RPL12: variants seen among roughly 807,000 people sequenced by gnomAD.
RPL12 encodes large ribosomal subunit protein uL11.
A neutral mutation model predicts 24.5 loss-of-function variants in RPL12; 10 were observed. The ratio of observed to expected loss-of-function variants is 0.41; its 90% CI spans 0.25 to 0.69. The LOEUF (loss-of-function observed/expected upper bound fraction) is 0.69. Among genes scored for constraint, RPL12 ranks in the 30% least tolerant of loss-of-function variants. The pLI is 0.33. For synonymous variants in RPL12, 74 were observed against 76.1 expected, an observed-to-expected ratio of 0.97 and a Z score of 0.14; for missense variants, 137 against 205.3, an observed-to-expected ratio of 0.67 and a Z score of 2.03.
chr9:127,449,533 A>C, intron 3 of RPL12, 77 bp downstream of exon 3: 2 of 1,428,618 alleles, frequency 1.4e-6, no homozygotes, highest in South Asian at 2.3e-5. Context: ...TGGTGGCAGA[A>C]ATACTCTTCA....
At position 127,451,356 on chromosome 9, in the gene RPL12, A is replaced by G. The variant is rs1184037057; in HGVS notation, c.-39T>C. On this transcript the variant is annotated 5_prime_UTR_variant, in exon 1 of 7. Coordinates refer to ENST00000361436, the MANE Select transcript of RPL12 (RefSeq NM_000976.4). ...GGTGTCGGATGAACCCGGATTCGGG[A>G]CGACCGAAGGAAGTTGCACCTTGGC... 6.2e-7 allele frequency: 1 copy of G among 1,610,776 alleles called. No homozygotes were observed. Among genetic ancestry groups the G allele is most frequent in the Non-Finnish European group, 8.5e-7 (1 of 1,179,668 alleles).
intron 4 of RPL12, 96 bp downstream of exon 4, chr9:127,449,185 G>A: frequency 2.0e-6 from 2 of 1,004,100 alleles, no homozygotes; most frequent in East Asian, 2.5e-5. Flanking sequence ...CAATACCCAT[G>A]TCAACCCCAG....
At chr9:127,448,162 C>T (rs1268960938) in intron 5 of RPL12, among the ~76,000 whole-genome samples, 173 bp from the exon 6 acceptor site, 3 of 152,208 alleles carry the variant, frequency 2.0e-5, no homozygotes, top group Non-Finnish European at 4.4e-5. Flanking sequence ...TGCAAAGCTT[C>T]CATGGGTCCT....
chr9:127,451,213 GC>G, intron 1 of RPL12, 67 bp downstream of exon 1: 1 of 1,590,896 alleles, frequency 6.3e-7, no homozygotes, highest in Non-Finnish European at 8.6e-7. Flanking sequence ...TACGGGGAAA[GC>G]TTTGCACGCG....
At chr9:127,449,568 T>TCC in intron 3 of RPL12, 42 bp downstream of exon 3, 1 of 1,536,430 alleles carries the variant, frequency 6.5e-7, no homozygotes, top group Non-Finnish European at 9.0e-7. Flanking sequence ...TTGCTACCTG[T>TCC]CCCCCCACCC....
intron 5 of RPL12, among the ~76,000 whole-genome samples, 160 bp from the exon 6 acceptor site, chr9:127,448,149 G>A (rs1040628546): frequency 2.6e-5 from 4 of 152,136 alleles, no homozygotes; most frequent in Non-Finnish European, 1.5e-5. Flanking sequence ...CCATAACCCG[G>A]AATGCAAAGC....
chr9:127,451,250 C>T (rs934258276), intron 1 of RPL12, 31 bp downstream of exon 1: 1 of 1,610,522 alleles, frequency 6.2e-7, no homozygotes, highest in African/African-American at 1.3e-5. Flanking sequence ...ATGCTCCATC[C>T]CGCAGCCCCG....
chr9:127,447,680 A>G lies in RPL12; in HGVS notation c.*41T>C, dbSNP rs909032957. 33 of 1,612,454 alleles carry G rather than the reference A, an allele frequency of 2.0e-5. No homozygotes were observed. Among genetic ancestry groups the G allele is most frequent in the Non-Finnish European group, 2.5e-5 (29 of 1,179,222 alleles). On this transcript the variant is annotated 3_prime_UTR_variant, in exon 7 of 7. Coordinates refer to ENST00000361436, the MANE Select transcript of RPL12 (RefSeq NM_000976.4). ...AAGACGCCACACCAGAAAATCCACCAGTTGTCAAATGATCCTTTATTGAAA... is the reference window on the plus strand; with the variant it reads ...AAGACGCCACACCAGAAAATCCACCGGTTGTCAAATGATCCTTTATTGAAA...
Position 127,451,346 on chromosome 9 carries a change from C to G in RPL12, c.-29G>C, listed in dbSNP as rs768438916. ...GGAGGCGGCTGGTGTCGGATGAACC[C>G]GGATTCGGGACGACCGAAGGAAGTT... On this transcript the variant is annotated 5_prime_UTR_variant, in exon 1 of 7. Coordinates refer to ENST00000361436, the MANE Select transcript of RPL12 (RefSeq NM_000976.4). 11 of 1,611,272 alleles carry G rather than the reference C, an allele frequency of 6.8e-6. No homozygotes were observed. The highest frequency in any genetic ancestry group is 4.5e-5 in the East Asian group (2 of 44,886).
rs748902530 is a variant in RPL12 at position 127,448,455 on chromosome 9, A to C, written c.293-32T>G. 15 of 1,452,464 alleles carry C rather than the reference A, an allele frequency of 1.0e-5. No individual in the cohort carries two copies. In the Admixed American group the frequency reaches 2.5e-4, roughly 24 times the overall value. The allele number at this position is 1,452,464 out of a possible 1,614,324, so 90.0% of individuals were successfully genotyped here. On this transcript the variant is annotated intron_variant, in intron 4 of 6. Coordinates refer to ENST00000361436, the MANE Select transcript of RPL12 (RefSeq NM_000976.4). ...AAGAGGAAACAGCAAAAGCTCTTTTAAAGTCTGAAGCCAAAGCAGATCATG... is the reference window on the plus strand; with the variant it reads ...AAGAGGAAACAGCAAAAGCTCTTTTCAAGTCTGAAGCCAAAGCAGATCATG...
rs1363913975 is a variant in RPL12 at position 127,448,326 on chromosome 9, C to A, written c.379+11G>T. 5 of 1,596,484 alleles carry A rather than the reference C, an allele frequency of 3.1e-6. No homozygotes were observed. The highest frequency in any genetic ancestry group is 2.2e-5 in the East Asian group (1 of 44,806). ...TACAGTTATGGCGGTTACATGTTGTCCTGCTCTTACCAGAGAGTTCTCTGG... is the reference window on the plus strand; with the variant it reads ...TACAGTTATGGCGGTTACATGTTGTACTGCTCTTACCAGAGAGTTCTCTGG... On this transcript the variant is annotated intron_variant, in intron 5 of 6. Transcript: ENST00000361436.
chr9:127,449,447 T>C, intron 3 of RPL12, 85 bp from the exon 4 acceptor site: 1 of 1,383,794 alleles, frequency 7.2e-7, no homozygotes, highest in Non-Finnish European at 1.0e-6. Flanking sequence ...GGCCACACAC[T>C]GTCCAAGTCT....
In RPL12 at chr9:127,448,372, T is replaced by C; in HGVS notation, c.344A>G (p.Gln115Arg). ...TFDEIVNIAR[Q>R]MRHRSLAREL... ...TCTGGCTAAGGATCGGTGCCGCATCTGTCGAGCAATGTTGACAATCTCATC... is the reference window on the plus strand; with the variant it reads ...TCTGGCTAAGGATCGGTGCCGCATCCGTCGAGCAATGTTGACAATCTCATC... The change falls in exon 5 of 7, where the codon CAG becomes CGG. Residue 115 changes from glutamine (Q) to arginine (R), a missense_variant. By Grantham distance (43) the Gln-to-Arg change is conservative. Coordinates refer to ENST00000361436, the MANE Select transcript of RPL12 (RefSeq NM_000976.4). 1 of 1,614,076 alleles carries C rather than the reference T, an allele frequency of 6.2e-7. No homozygotes were observed. The highest frequency in any genetic ancestry group is 1.1e-5 in the South Asian group (1 of 91,074).
chr9:127,451,233 C>A, intron 1 of RPL12, 48 bp downstream of exon 1: 1 of 1,604,300 alleles, frequency 6.2e-7, no homozygotes, highest in Admixed American at 1.7e-5. Context: ...CGCGGCAGGG[C>A]CGAGGGATGC....
At chr9:127,449,505 TC>T (rs1834231276) in intron 3 of RPL12, 104 bp downstream of exon 3, 1 of 1,307,234 alleles carries the variant, frequency 7.6e-7, no homozygotes, top group East Asian at 2.4e-5. Context: ...CAAGGTGAAA[TC>T]ACTCTCGGCT....
At chr9:127,448,666 C>T (rs528164261) in intron 4 of RPL12, 50 of 729,962 alleles carry the variant, frequency 6.8e-5, no homozygotes, top group Admixed American at 3.8e-4. Context: ...ACAAATCTGA[C>T]ATGGCAGAAA....
At position 127,450,712 on chromosome 9, in the gene RPL12, C is replaced by T. The variant is rs1313810751; in HGVS notation, c.111+19G>A. 1 of 1,556,102 alleles carries T rather than the reference C, an allele frequency of 6.4e-7. No homozygotes were observed. The highest frequency in any genetic ancestry group is 8.7e-7 in the Non-Finnish European group (1 of 1,148,648). On this transcript the variant is annotated intron_variant, in intron 2 of 6. Transcript: ENST00000361436. The stretch of plus-strand genomic sequence containing the variant: ...TGAAACAAATGTGAAAAAAATGCCC[C>T]TTGGAGGGGATAACGTACCAGACCC...
At chr9:127,448,832 CTTTTT>C (rs368058964) in intron 4 of RPL12, among the ~76,000 whole-genome samples, 2 of 143,696 alleles carry the variant, frequency 1.4e-5, no homozygotes, top group African/African-American at 5.2e-5. Context: ...CTACATGGCA[CTTTTT>C]TTTTTTTTTT....
At chr9:127,448,484 C>T (rs776907957) in intron 4 of RPL12, 61 bp from the exon 5 acceptor site, 6 of 1,071,234 alleles carry the variant, frequency 5.6e-6, no homozygotes, top group East Asian at 2.4e-5. Context: ...GATCATGTGT[C>T]CTTCATTTCA....
Sources: gnomAD v4.1 joint callset for allele counts (sites outside exome capture counted in the v4.1 genomes callset) on GRCh38, gnomAD v4.1.1 for gene constraint, MANE v1.5 for transcripts, NCBI Gene and HGNC (gene_info 2026-07-23, HGNC 2026-07-21) for gene names.